The following KSR2 variants were observed in gnomAD, a reference collection of about 807,000 sequenced individuals.
KSR2 encodes kinase suppressor of ras 2.
A neutral mutation model predicts 107.8 loss-of-function variants in KSR2; 25 were observed. The ratio of observed to expected loss-of-function variants is 0.23; its 90% CI spans 0.17 to 0.32. The LOEUF (loss-of-function observed/expected upper bound fraction) is 0.32. KSR2 is among the 10% of genes least tolerant of loss of function. KSR2 has a pLI of 1.00. For missense variants in KSR2, 887 were observed against 1,268.9 expected (o/e 0.70, Z 4.57); for synonymous variants, 480 against 507.0 (o/e 0.95, Z 0.71).
chr12:117,802,836 C>T (rs1040575365), intron 3 of KSR2, among the ~76,000 whole-genome samples: 2 of 152,158 alleles, frequency 1.3e-5, no homozygotes, highest in African/African-American at 2.4e-5. Context: ...CTCCCAGCCC[C>T]GGCTCTGACA....
chr12:117,525,681 G>A (rs1875090957), intron 13 of KSR2, among the ~76,000 whole-genome samples: 1 of 152,214 alleles, frequency 6.6e-6, no homozygotes, highest in Non-Finnish European at 1.5e-5. Flanking sequence ...TTACGTGCAT[G>A]TGATAAAGTT....
At chr12:117,628,422 T>C (rs1565933544) in intron 5 of KSR2, among the ~76,000 whole-genome samples, 1 of 152,226 alleles carries the variant, frequency 6.6e-6, no homozygotes, top group Non-Finnish European at 1.5e-5. Flanking sequence ...GCTATTCCTT[T>C]CTGTTTTTTA....
At chr12:117,541,846 T>A (rs1876513533) in intron 9 of KSR2, among the ~76,000 whole-genome samples, 1 of 152,204 alleles carries the variant, frequency 6.6e-6, no homozygotes, top group African/African-American at 2.4e-5. Flanking sequence ...TCTGGGTCAG[T>A]GAGTCTCTCC....
At chr12:117,498,721 C>G (rs896355512) in intron 14 of KSR2, among the ~76,000 whole-genome samples, 1 of 152,080 alleles carries the variant, frequency 6.6e-6, no homozygotes, top group Non-Finnish European at 1.5e-5. Context: ...ACAGGCCTTT[C>G]CTGTGCCATT....
chr12:117,846,009 A>C (rs934779271), intron 3 of KSR2, among the ~76,000 whole-genome samples: 1 of 151,706 alleles, frequency 6.6e-6, no homozygotes, highest in Non-Finnish European at 1.5e-5. Context: ...ATCTCTCCAA[A>C]GAAAAAGAAA....
chr12:117,695,140 C>T (rs1885999918), intron 4 of KSR2, among the ~76,000 whole-genome samples: 1 of 152,080 alleles, frequency 6.6e-6, no homozygotes, highest in African/African-American at 2.4e-5. Context: ...TGAGCCACCA[C>T]ACCTGGCCGT....
chr12:117,534,395 C>T (rs1875884975), intron 10 of KSR2, among the ~76,000 whole-genome samples: 1 of 152,108 alleles, frequency 6.6e-6, no homozygotes, highest in South Asian at 2.1e-4. Context: ...ACTTCCCCCA[C>T]CTGCAAAACT....
chr12:117,487,981 T>C (rs532664180), intron 14 of KSR2, among the ~76,000 whole-genome samples: 18 of 152,256 alleles, frequency 1.2e-4, no homozygotes, highest in Middle Eastern at 3.4e-3. Flanking sequence ...TCCCCAAGTG[T>C]CAAGATCAGG....
At chr12:117,793,929 C>T (rs923777920) in intron 3 of KSR2, among the ~76,000 whole-genome samples, 1 of 134,900 alleles carries the variant, frequency 7.4e-6, no homozygotes, top group Non-Finnish European at 1.6e-5. Context: ...TGCACACACA[C>T]CATGCACACA....
At chr12:117,890,822 G>A (rs1046128318) in intron 1 of KSR2, 18 of 152,176 alleles carry the variant, frequency 1.2e-4, no homozygotes, top group Non-Finnish European at 1.9e-4. Context: ...TAGACTGGGA[G>A]TCAGGAGACT....
intron 1 of KSR2, among the ~76,000 whole-genome samples, chr12:117,888,758 T>C (rs1029448865): frequency 1.3e-5 from 2 of 152,200 alleles, no homozygotes; most frequent in African/African-American, 4.8e-5. Context: ...TTTTTTTCTA[T>C]ATATGGGAAA....
intron 14 of KSR2, among the ~76,000 whole-genome samples, chr12:117,487,227 T>C (rs1056684654): frequency 1.3e-5 from 2 of 152,234 alleles, no homozygotes; most frequent in Admixed American, 6.5e-5. Flanking sequence ...TGTACAAATA[T>C]ATATAAGTGA....
chr12:117,524,989 A>G lies in KSR2; in HGVS notation c.2082T>C (p.Ile694=), dbSNP rs772947286. The change falls in exon 14 of 20, where the codon ATT becomes ATC. Residue 694 remains isoleucine (I), a synonymous_variant. Coordinates refer to ENST00000339824, the MANE Select transcript of KSR2 (RefSeq NM_173598.6). ...GGTCCTCGTTGTCCCTCTCAATGTCAATCAGCCGGATGGCCACCTCGCCAT... is the reference window on the plus strand; with the variant it reads ...GGTCCTCGTTGTCCCTCTCAATGTCGATCAGCCGGATGGCCACCTCGCCAT... ...RWHGEVAIRL[I]DIERDNEDQL... 1 of 1,613,830 alleles carries G rather than the reference A, an allele frequency of 6.2e-7. No homozygotes were observed. The highest frequency in any genetic ancestry group is 8.5e-7 in the Non-Finnish European group (1 of 1,179,848).
At chr12:117,624,375 T>G (rs1223088697) in intron 5 of KSR2, among the ~76,000 whole-genome samples, 8 of 152,262 alleles carry the variant, frequency 5.3e-5, no homozygotes, top group Non-Finnish European at 1.2e-4. Flanking sequence ...ATTTAAGTCT[T>G]TAATCCATCT....
At chr12:117,829,000 G>A (rs994798444) in intron 3 of KSR2, among the ~76,000 whole-genome samples, 10 of 152,184 alleles carry the variant, frequency 6.6e-5, no homozygotes, top group Admixed American at 5.9e-4. Flanking sequence ...AGCTACCTGT[G>A]GATGGGGTGA....
chr12:117,890,551 T>C (rs1157739497), intron 1 of KSR2, among the ~76,000 whole-genome samples: 1 of 152,218 alleles, frequency 6.6e-6, no homozygotes, highest in Non-Finnish European at 1.5e-5. Context: ...AAAGGTCCTC[T>C]CTGTGTTAAA....
intron 1 of KSR2, among the ~76,000 whole-genome samples, chr12:117,901,815 C>T (rs1287549356): frequency 1.3e-5 from 2 of 152,014 alleles, no homozygotes; most frequent in South Asian, 2.1e-4. Context: ...GAGGGTTCAG[C>T]GTGGCGTACA....
intron 1 of KSR2, among the ~76,000 whole-genome samples, chr12:117,962,573 T>C (rs1182573934): frequency 6.6e-6 from 1 of 151,592 alleles, no homozygotes; most frequent in Non-Finnish European, 1.5e-5. Context: ...GCCTCCCGAG[T>C]AGTTGGGATT....
At chr12:117,582,183 C>T (rs1366988308) in intron 6 of KSR2, 107 bp downstream of exon 6, 6 of 881,572 alleles carry the variant, frequency 6.8e-6, no homozygotes, top group African/African-American at 4.9e-5. Flanking sequence ...GATGTAGGTG[C>T]TGGAGCTCAA....
Sources: gnomAD v4.1 joint callset for allele counts (sites outside exome capture counted in the v4.1 genomes callset) on GRCh38, gnomAD v4.1.1 for gene constraint, MANE v1.5 for transcripts, NCBI Gene and HGNC (gene_info 2026-07-23, HGNC 2026-07-21) for gene names.